MEIS3: variants seen among roughly 807,000 people sequenced by gnomAD.
The protein encoded by MEIS3 is Meis homeobox 3.
MEIS3 carries 38 observed loss-of-function variants against 51.4 expected under a neutral mutation model. That is an observed-to-expected ratio of 0.74 (90% CI 0.57 to 0.97). MEIS3 has a LOEUF of 0.97. Ranked by LOEUF, MEIS3 falls within the 50% of genes least tolerant of loss-of-function variation. The probability of loss-of-function intolerance (pLI) is 0.00; values close to 1 mark genes in which losing one functional copy is unlikely to be tolerated. For synonymous variants in MEIS3, 198 were observed against 201.8 expected (o/e 0.98, Z 0.16); for missense variants, 456 against 502.6 (o/e 0.91, Z 0.89).
chr19:47,403,911 G>T (rs1324792345), intron 12 of MEIS3, among the ~76,000 whole-genome samples: 1 of 152,042 alleles, frequency 6.6e-6, no homozygotes, highest in African/African-American at 2.4e-5. Context: ...GAGAGAAAGA[G>T]AGACAGGAGG....
Position 47,416,645 on chromosome 19 carries a change from G to T in MEIS3, c.396+7C>A. The T allele has an allele frequency of 6.5e-7, 1 of 1,532,940 alleles. No individual in the cohort carries two copies. The highest frequency in any genetic ancestry group is 8.8e-7 in the Non-Finnish European group (1 of 1,136,822). The allele number at this position is 1,532,940 out of a possible 1,614,324, so 95.0% of individuals were successfully genotyped here. ...GGAGGGGGTGTGGGGGAGGGCTCGG[G>T]TCTCACCAGATTGTCCAGTTCTGGG... On this transcript the variant is annotated splice_region_variant and intron_variant, in intron 4 of 12. Transcript: ENST00000558555.
At chr19:47,404,754 G>C (rs1016669114) in intron 12 of MEIS3, among the ~76,000 whole-genome samples, 2 of 151,780 alleles carry the variant, frequency 1.3e-5, no homozygotes, top group African/African-American at 4.8e-5. Context: ...TCCAACACCC[G>C]CCCCCTGTGA....
intron 8 of MEIS3, among the ~76,000 whole-genome samples, chr19:47,408,105 C>T (rs997522244): frequency 6.6e-6 from 1 of 152,022 alleles, no homozygotes; most frequent in African/African-American, 2.4e-5. Context: ...GCACCCAGCC[C>T]TCCCTATCCA....
upstream of MEIS3, among the ~76,000 whole-genome samples, chr19:47,421,175 GT>G (rs1971705735): frequency 6.6e-6 from 1 of 152,032 alleles, no homozygotes; most frequent in Non-Finnish European, 1.5e-5. Flanking sequence ...GGCTCCCTGG[GT>G]GGCATCAGAG....
At chr19:47,412,860 A>C (rs548899042) in intron 6 of MEIS3, among the ~76,000 whole-genome samples, 1 of 150,680 alleles carries the variant, frequency 6.6e-6, no homozygotes, top group Non-Finnish European at 1.5e-5. Context: ...GAGCCACTGC[A>C]CCTGGCCTAA....
chr19:47,412,018 C>G (rs542359382), intron 6 of MEIS3, among the ~76,000 whole-genome samples: 1 of 151,412 alleles, frequency 6.6e-6, no homozygotes, highest in Admixed American at 6.6e-5. Flanking sequence ...TATTTTTTGT[C>G]GAGATGGGAT....
At chr19:47,413,252 G>C (rs1317371751) in intron 6 of MEIS3, among the ~76,000 whole-genome samples, 1 of 151,954 alleles carries the variant, frequency 6.6e-6, no homozygotes, top group Non-Finnish European at 1.5e-5. Flanking sequence ...AATTAGCCCG[G>C]TGTGGTCGTG....
chr19:47,417,484 G>T (rs1050451429), intron 1 of MEIS3, 134 bp from the exon 2 acceptor site: 2 of 1,125,378 alleles, frequency 1.8e-6, no homozygotes, highest in Admixed American at 2.0e-5. Flanking sequence ...GTGGTCCCCA[G>T]GTGTCTGAGC....
At chr19:47,406,600 C>T in intron 11 of MEIS3, 74 bp from the exon 12 acceptor site, 2 of 1,403,626 alleles carry the variant, frequency 1.4e-6, no homozygotes, top group Non-Finnish European at 2.0e-6. Flanking sequence ...TCTCCCTCAC[C>T]CCTTCCTACA....
chr19:47,407,347 C>G lies in MEIS3; in HGVS notation c.935+5G>C, dbSNP rs1277464669. ...CCGGCCCGCGGGCCCTCCTGGGCCA[C>G]TCACCAGTTGTTGACTTGCAGGATG... On this transcript the variant is annotated splice_donor_5th_base_variant and intron_variant, in intron 9 of 12. Transcript: ENST00000558555. 1.2e-6 allele frequency: 2 copies of G among 1,612,562 alleles called. No individual in the cohort carries two copies. The highest frequency in any genetic ancestry group is 1.7e-6 in the Non-Finnish European group (2 of 1,179,576).
intron 6 of MEIS3, among the ~76,000 whole-genome samples, chr19:47,411,563 C>T (rs1361547393): frequency 8.3e-5 from 12 of 144,020 alleles, no homozygotes; most frequent in South Asian, 2.2e-4. Context: ...TTTTTTGAGA[C>T]GGAGTCTCGC....
intron 1 of MEIS3, chr19:47,417,765 T>C: frequency 1.6e-6 from 1 of 642,526 alleles, no homozygotes. Context: ...CTCCCTGTCT[T>C]CTATTTCATT....
At chr19:47,411,977 G>A (rs931304951) in intron 6 of MEIS3, among the ~76,000 whole-genome samples, 9 of 152,022 alleles carry the variant, frequency 5.9e-5, no homozygotes, top group Admixed American at 3.9e-4. Context: ...CCAAGTAGCT[G>A]GAACTACAGT....
rs1599825031 is a variant in MEIS3 at position 47,416,628 on chromosome 19, T to G, written c.396+24A>C. On this transcript the variant is annotated intron_variant, in intron 4 of 12. Transcript: ENST00000558555. ...GAAGGAGACCCATTGGAGGAGGGGG[T>G]GTGGGGGAGGGCTCGGGTCTCACCA... The G allele has an allele frequency of 8.8e-6, 13 of 1,479,902 alleles. No individual in the cohort carries two copies. In the East Asian group the frequency reaches 1.0e-4, roughly 12 times the overall value. 91.7% of individuals were successfully genotyped at this position (1,479,902 alleles called of 1,614,324 possible).
chr19:47,408,571 C>A lies in MEIS3; in HGVS notation c.858+528G>T, dbSNP rs560941161. ...CTGTCTCTGTCCCTCTGTGACTCGG[C>A]CTCTCCCTGTCTCCATCTTGCTCTG... On this transcript the variant is annotated intron_variant, in intron 8 of 12. Coordinates refer to ENST00000558555, the MANE Select transcript of MEIS3 (RefSeq NM_001301059.2). Among the ~76,000 whole-genome samples the A allele has an allele frequency of 3.3e-5, 5 of 152,178 alleles. No homozygotes were observed. The East Asian group carries it at 9.7e-4, about 29-fold the overall frequency.
chr19:47,409,527 G>A lies in MEIS3; in HGVS notation c.618C>T (p.Asp206=), dbSNP rs1460716788. The change falls in exon 7 of 13, where the codon GAC becomes GAT. Residue 206 remains aspartate, a synonymous_variant. Transcript: ENST00000558555. ...LPDQNNMWIR[D]HEDSGSVHLG... ...AATGTACAGACCCACTATCCTCATGGTCTCGAATCCACATATTATTCTAGA... is the reference window on the plus strand; with the variant it reads ...AATGTACAGACCCACTATCCTCATGATCTCGAATCCACATATTATTCTAGA... 1 of 1,613,764 alleles carries A rather than the reference G, an allele frequency of 6.2e-7. No homozygotes were observed. The highest frequency in any genetic ancestry group is 8.5e-7 in the Non-Finnish European group (1 of 1,179,702).
rs764694019 is a variant in MEIS3, at chr19:47,407,414, C to A, written c.873G>T (p.Ser291=). 36 of 1,613,718 alleles carry A rather than the reference C, an allele frequency of 2.2e-5. No homozygotes were observed. In the African/African-American group the frequency reaches 3.5e-4, roughly 16 times the overall value. Reference sequence around the variant, plus strand: ...GCGCCAGCTGTTTCTTCTGCTCCTCCGAGGGGTACGGGTGCTGCAGCCACC... The same window carrying A: ...GCGCCAGCTGTTTCTTCTGCTCCTCAGAGGGGTACGGGTGCTGCAGCCACC... ...LFQHLSHPYP[S]EEQKKQLAQD... is the part of the protein sequence containing the mutation. Residue 291 remains serine (S), a synonymous_variant, in exon 9 of 13, where the codon TCG becomes TCT. Coordinates refer to ENST00000558555, the MANE Select transcript of MEIS3 (RefSeq NM_001301059.2).
At chr19:47,421,083 G>T (rs185357167), upstream of MEIS3, among the ~76,000 whole-genome samples, 1 of 151,740 alleles carries the variant, frequency 6.6e-6, no homozygotes, top group Non-Finnish European at 1.5e-5. Flanking sequence ...TCACTGCGTC[G>T]CGGCTGCCTG....
chr19:47,413,970 C>T (rs1323954318), intron 6 of MEIS3, among the ~76,000 whole-genome samples: 1 of 151,854 alleles, frequency 6.6e-6, no homozygotes, highest in African/African-American at 2.4e-5. Flanking sequence ...CTCCTGACCT[C>T]ATGATCCACC....
Sources: gnomAD v4.1 joint callset for allele counts (sites outside exome capture counted in the v4.1 genomes callset) on GRCh38, gnomAD v4.1.1 for gene constraint, MANE v1.5 for transcripts, NCBI Gene and HGNC (gene_info 2026-07-23, HGNC 2026-07-21) for gene names.